The following DBF4 variants were observed in gnomAD, a reference collection of about 807,000 sequenced individuals.
DBF4 encodes the protein protein DBF4 homolog A.
A neutral mutation model predicts 76.6 loss-of-function variants in DBF4; 25 were observed. The ratio of observed to expected loss-of-function variants is 0.33; its 90% CI spans 0.24 to 0.46. The LOEUF is 0.46. Ranked by LOEUF, DBF4 falls within the 20% of genes least tolerant of loss-of-function variation. The pLI, the probability that DBF4 is intolerant of heterozygous loss-of-function variation, is 1.00. For synonymous variants in DBF4, 213 were observed against 258.0 expected (o/e 0.83, Z 1.67); for missense variants, 638 against 760.8 (o/e 0.84, Z 1.90).
intron 6 of DBF4, 140 bp downstream of exon 6, chr7:87,888,199 C>T (rs1203696960): frequency 9.5e-6 from 12 of 1,258,486 alleles, no homozygotes; most frequent in East Asian, 3.2e-5. Context: ...TCAAATAAAT[C>T]GAGTGTCATT....
At chr7:87,900,496 GT>G in intron 9 of DBF4, 147 bp downstream of exon 9, 1 of 1,004,512 alleles carries the variant, frequency 1.0e-6, no homozygotes, top group Non-Finnish European at 1.4e-6. Context: ...GTCTGAATCT[GT>G]TTAGATGGAG....
At chr7:87,902,316 G>T (rs1339336842) in intron 10 of DBF4, among the ~76,000 whole-genome samples, 1 of 151,792 alleles carries the variant, frequency 6.6e-6, no homozygotes, top group Non-Finnish European at 1.5e-5. Context: ...TAAGAGTAAA[G>T]ACATTTTTTT....
chr7:87,878,403 G>C, intron 2 of DBF4, 178 bp downstream of exon 2: 1 of 538,668 alleles, frequency 1.9e-6, no homozygotes, highest in Non-Finnish European at 3.2e-6. Context: ...TGGACTGACA[G>C]ACCTTTCAGG....
chr7:87,881,683 A>T (rs1839216512), intron 2 of DBF4, among the ~76,000 whole-genome samples: 1 of 152,222 alleles, frequency 6.6e-6, no homozygotes, highest in Non-Finnish European at 1.5e-5. Context: ...TAGATCCTAG[A>T]GATACAAAAA....
intron 1 of DBF4, among the ~76,000 whole-genome samples, chr7:87,877,402 A>G (rs529936677): frequency 6.6e-6 from 1 of 152,354 alleles, no homozygotes; most frequent in East Asian, 1.9e-4. Context: ...GTGTGTGTGT[A>G]GTAACTACCA....
At chr7:87,889,812 G>C (rs1839442079) in intron 6 of DBF4, among the ~76,000 whole-genome samples, 2 of 152,148 alleles carry the variant, frequency 1.3e-5, no homozygotes, top group Non-Finnish European at 2.9e-5. Context: ...AAGTGAATGG[G>C]AAATATAAAA....
In DBF4 at chr7:87,885,127, A is replaced by G. The variant is rs201015437; in HGVS notation, c.368A>G (p.His123Arg). The part of the protein sequence containing the change: ...TAETTSPHPS[H>R]DGSSFKSPDT... ...GAAACCACTTCACCTCATCCCAGCC[A>G]TGATGGAAGTTCATTTAAGTCACCA... Residue 123 changes from histidine (H) to arginine (R), a missense_variant, in exon 3 of 12, where the codon CAT (histidine) becomes CGT (arginine). Coordinates refer to ENST00000265728, the MANE Select transcript of DBF4 (RefSeq NM_006716.4). 6.9e-5 allele frequency: 111 copies of G among 1,610,836 alleles called. No homozygotes were observed. In the African/African-American group the frequency reaches 1.3e-3, roughly 19 times the overall value.
intron 10 of DBF4, among the ~76,000 whole-genome samples, chr7:87,902,019 A>T (rs991623659): frequency 6.6e-6 from 1 of 152,202 alleles, no homozygotes; most frequent in Non-Finnish European, 1.5e-5. Flanking sequence ...AATTGCTTTT[A>T]ATCAGAAGCT....
chr7:87,900,374 A>C (rs1409048492), intron 9 of DBF4, 25 bp downstream of exon 9: 3 of 1,573,350 alleles, frequency 1.9e-6, no homozygotes, highest in Non-Finnish European at 2.6e-6. Context: ...TTACTTTTAG[A>C]AGGAATATTC....
intron 10 of DBF4, among the ~76,000 whole-genome samples, chr7:87,902,752 T>G (rs537889137): frequency 1.3e-5 from 2 of 152,358 alleles, no homozygotes; most frequent in South Asian, 4.1e-4. Flanking sequence ...TTGATAATTC[T>G]TATTTTTATT....
rs1201880393 is a variant in DBF4, at chr7:87,876,683, C to T, written c.-50C>T. 3.1e-6 allele frequency: 5 copies of T among 1,609,286 alleles called. No homozygotes were observed. The highest frequency in any genetic ancestry group is 1.7e-5 in the Admixed American group (1 of 59,902). On this transcript the variant is annotated 5_prime_UTR_variant, in exon 1 of 12. Transcript: ENST00000265728. Reference sequence around the variant, plus strand: ...GGGGAAGCCGTGCTTTCGCGGCTGCCCGGTGCGACACTTTCTCCGGACCCA... The same window carrying T: ...GGGGAAGCCGTGCTTTCGCGGCTGCTCGGTGCGACACTTTCTCCGGACCCA...
Position 87,907,873 on chromosome 7 carries a change from A to G in DBF4, c.1735A>G (p.Lys579Glu), listed in dbSNP as rs61747462. 18,611 of 1,613,642 alleles carry G rather than the reference A, an allele frequency of 0.012. 136 individuals are homozygous for G. Among genetic ancestry groups the G allele is most frequent in the Non-Finnish European group, 0.014 (16,681 of 1,179,894 alleles). Reference sequence around the variant, plus strand: ...TTCTGGTAAAATACATCGAAAAGTGAAAATAATATTAGGACGAAATAGAAA... The same window carrying G: ...TTCTGGTAAAATACATCGAAAAGTGGAAATAATATTAGGACGAAATAGAAA... ...LPSGKIHRKV[K>E]IILGRNRKEN... Residue 579 changes from lysine (K) to glutamate (E), a missense_variant, in exon 12 of 12, where the codon AAA becomes GAA. Physicochemically the swap from Lys to Glu is moderately conservative, Grantham distance 56. Transcript: ENST00000265728.
chr7:87,902,556 C>G (rs888237253), intron 10 of DBF4, among the ~76,000 whole-genome samples: 5 of 151,994 alleles, frequency 3.3e-5, no homozygotes, highest in African/African-American at 1.2e-4. Flanking sequence ...GTTATTTAAC[C>G]TAGAATGAGG....
chr7:87,885,194 G>T, intron 3 of DBF4, 36 bp downstream of exon 3: 3 of 1,515,036 alleles, frequency 2.0e-6, no homozygotes, highest in Non-Finnish European at 2.7e-6. Context: ...ACTCAGAAGG[G>T]CTATATCCTG....
intron 3 of DBF4, among the ~76,000 whole-genome samples, chr7:87,885,834 AC>A (rs1456662428): frequency 1.3e-5 from 2 of 152,182 alleles, no homozygotes; most frequent in African/African-American, 4.8e-5. Context: ...TCACATCCCT[AC>A]CACTCCATGG....
At chr7:87,897,221 CA>C in intron 7 of DBF4, 72 bp from the exon 8 acceptor site, 2 of 1,415,926 alleles carry the variant, frequency 1.4e-6, no homozygotes, top group Non-Finnish European at 1.9e-6. Context: ...TTTGTTTTGC[CA>C]CAGTAGTTTT....
intron 10 of DBF4, 130 bp downstream of exon 10, chr7:87,901,008 A>C: frequency 1.4e-6 from 1 of 734,038 alleles, no homozygotes; most frequent in Non-Finnish European, 2.2e-6. Context: ...AGTATTGAAA[A>C]TGAATTTTTA....
chr7:87,885,991 G>A (rs1338479254), intron 3 of DBF4, among the ~76,000 whole-genome samples: 1 of 152,036 alleles, frequency 6.6e-6, no homozygotes, highest in Non-Finnish European at 1.5e-5. Flanking sequence ...TATTCTCCTC[G>A]ACTTACCTAT....
At chr7:87,882,520 T>A (rs1839241448) in intron 2 of DBF4, among the ~76,000 whole-genome samples, 1 of 151,976 alleles carries the variant, frequency 6.6e-6, no homozygotes, top group African/African-American at 2.4e-5. Context: ...TTTTCAGGAG[T>A]GAAAGAACGC....
Sources: allele counts gnomAD v4.1 joint callset (sites outside exome capture counted in the v4.1 genomes callset), GRCh38; gene constraint gnomAD v4.1.1; transcripts MANE v1.5; gene names NCBI Gene and HGNC (gene_info 2026-07-23, HGNC 2026-07-21).